MLLT3: variants seen among roughly 807,000 people sequenced by gnomAD.
The protein encoded by MLLT3 is protein AF-9.
In MLLT3, 4 loss-of-function variants were observed where a neutral mutation model predicts 53.2. The ratio of observed to expected loss-of-function variants is 0.08; its 90% CI spans 0.04 to 0.17. The LOEUF is 0.17. Ranked by LOEUF, MLLT3 falls within the 10% of genes least tolerant of loss-of-function variation. MLLT3 has a pLI of 1.00. For missense variants in MLLT3, 569 were observed against 684.0 expected, an observed-to-expected ratio of 0.83 and a Z score of 1.87; for synonymous variants, 283 against 230.6, an observed-to-expected ratio of 1.23 and a Z score of -2.06.
Position 20,346,001 on chromosome 9 carries a change from C to T in MLLT3, c.*442G>A, listed in dbSNP as rs555640559. 4.3e-6 allele frequency: 1 copy of T among 235,034 alleles called. No homozygotes were observed. The highest frequency in any genetic ancestry group is 2.2e-5 in the African/African-American group (1 of 45,322). 14.6% of individuals were successfully genotyped at this position (235,034 alleles called of 1,614,324 possible). ...ACTTATAATGTCTGATGGTGTCATT[C>T]CCTCAACGACTTAGAATATCTGTAT... On this transcript the variant is annotated 3_prime_UTR_variant, in exon 11 of 11. Transcript: ENST00000380338.
At chr9:20,602,846 C>T (rs1489837096) in intron 2 of MLLT3, among the ~76,000 whole-genome samples, 2 of 151,810 alleles carry the variant, frequency 1.3e-5, no homozygotes, top group Admixed American at 6.6e-5. Context: ...AAGAGAAAGA[C>T]ATGTCACTTT....
intron 2 of MLLT3, among the ~76,000 whole-genome samples, chr9:20,481,856 A>T (rs187705724): frequency 1.8e-4 from 28 of 152,314 alleles, no homozygotes; most frequent in Non-Finnish European, 3.4e-4. Flanking sequence ...AGTCAACTAG[A>T]AGAGGAATAC....
chr9:20,471,933 G>A (rs1019398657), intron 2 of MLLT3, among the ~76,000 whole-genome samples: 1 of 151,206 alleles, frequency 6.6e-6, no homozygotes, highest in East Asian at 1.9e-4. Flanking sequence ...GAAATAGCAA[G>A]GAAAATGAAG....
At chr9:20,391,738 G>T (rs754957535) in intron 5 of MLLT3, among the ~76,000 whole-genome samples, 29 of 152,070 alleles carry the variant, frequency 1.9e-4, no homozygotes, top group Non-Finnish European at 3.7e-4. Context: ...AACAAGACAG[G>T]TTTTAAAAAT....
At chr9:20,554,686 AT>A (rs1397594458) in intron 2 of MLLT3, among the ~76,000 whole-genome samples, 2 of 152,226 alleles carry the variant, frequency 1.3e-5, no homozygotes, top group African/African-American at 4.8e-5. Context: ...TGTAAAATAC[AT>A]GGGTGACACC....
chr9:20,589,063 G>C (rs888805046), intron 2 of MLLT3, among the ~76,000 whole-genome samples: 4 of 151,072 alleles, frequency 2.6e-5, no homozygotes, highest in African/African-American at 9.7e-5. Context: ...AATACCATTT[G>C]ACCCAGCCAT....
chr9:20,431,312 A>T (rs766272925), intron 4 of MLLT3, among the ~76,000 whole-genome samples: 16 of 152,142 alleles, frequency 1.1e-4, no homozygotes, highest in Admixed American at 2.6e-4. Flanking sequence ...ACTAAATAAG[A>T]ATCTCTGCAG....
chr9:20,563,883 T>A (rs1367380771), intron 2 of MLLT3, among the ~76,000 whole-genome samples: 2 of 152,072 alleles, frequency 1.3e-5, no homozygotes, highest in African/African-American at 4.8e-5. Flanking sequence ...CAGCCACAAG[T>A]TTTCATTATC....
chr9:20,541,198 A>C (rs1424014093), intron 2 of MLLT3, among the ~76,000 whole-genome samples: 3 of 152,168 alleles, frequency 2.0e-5, no homozygotes, highest in Admixed American at 6.5e-5. Flanking sequence ...TTTTTGTCAA[A>C]ACCATACAAT....
chr9:20,502,440 C>T (rs1311199870), intron 2 of MLLT3: 3 of 152,352 alleles, frequency 2.0e-5, no homozygotes, highest in Non-Finnish European at 4.4e-5. Context: ...AAAAAACTTG[C>T]AGACAACGTG....
Position 20,483,658 on chromosome 9 carries a change from C to T in MLLT3, c.194-26872G>A, listed in dbSNP as rs534157636. ...CCCCTGAATGTAAGACTCAATATGACTTGATGTTACACTAACGAGATAACA... is the reference window on the plus strand; with the variant it reads ...CCCCTGAATGTAAGACTCAATATGATTTGATGTTACACTAACGAGATAACA... On this transcript the variant is annotated intron_variant, in intron 2 of 10. Transcript: ENST00000380338. 4.8e-4 allele frequency among the ~76,000 whole-genome samples: 71 copies of T among 148,090 alleles called. 2 individuals carry two copies. The South Asian group carries it at 0.014, about 29-fold the overall frequency.
At chr9:20,419,662 G>C (rs1822957732) in intron 4 of MLLT3, among the ~76,000 whole-genome samples, 1 of 152,002 alleles carries the variant, frequency 6.6e-6, no homozygotes, top group Non-Finnish European at 1.5e-5. Context: ...GTAACATCCA[G>C]ACAGCTGGGA....
At chr9:20,546,505 C>T (rs1818791694) in intron 2 of MLLT3, among the ~76,000 whole-genome samples, 1 of 151,378 alleles carries the variant, frequency 6.6e-6, no homozygotes, top group African/African-American at 2.4e-5. Context: ...GATCACACCA[C>T]TGCACTCTGG....
chr9:20,428,338 T>A (rs183141732), intron 4 of MLLT3, among the ~76,000 whole-genome samples: 24 of 152,122 alleles, frequency 1.6e-4, no homozygotes, highest in Middle Eastern at 3.4e-3. Flanking sequence ...AGGATTTATA[T>A]CAGGAATAAG....
At chr9:20,556,513 T>G (rs1216964017) in intron 2 of MLLT3, among the ~76,000 whole-genome samples, 1 of 151,872 alleles carries the variant, frequency 6.6e-6, no homozygotes, top group Middle Eastern at 3.2e-3. Context: ...TGAAACCCCA[T>G]CTCTACTAAA....
At chr9:20,441,067 T>C (rs997336056) in intron 4 of MLLT3, among the ~76,000 whole-genome samples, 4 of 152,126 alleles carry the variant, frequency 2.6e-5, no homozygotes, top group African/African-American at 9.6e-5. Context: ...TCTAGGAACA[T>C]CTCCCTCTCT....
intron 3 of MLLT3, among the ~76,000 whole-genome samples, chr9:20,455,260 C>T (rs1393702403): frequency 6.6e-6 from 1 of 152,196 alleles, no homozygotes; most frequent in Non-Finnish European, 1.5e-5. Context: ...CTAGAAGGCA[C>T]AGAAATTAGG....
At chr9:20,460,972 T>C (rs1824092316) in intron 2 of MLLT3, among the ~76,000 whole-genome samples, 1 of 152,112 alleles carries the variant, frequency 6.6e-6, no homozygotes, top group Non-Finnish European at 1.5e-5. Context: ...GGCCAGAAGA[T>C]CTCTAAGGCC....
intron 2 of MLLT3, among the ~76,000 whole-genome samples, chr9:20,549,107 G>A (rs999124148): frequency 1.3e-5 from 2 of 152,076 alleles, no homozygotes; most frequent in Admixed American, 6.6e-5. Flanking sequence ...TAGCCATCAC[G>A]CCCTGCCTCA....
Sources: gnomAD v4.1 joint callset for allele counts (sites outside exome capture counted in the v4.1 genomes callset) on GRCh38, gnomAD v4.1.1 for gene constraint, MANE v1.5 for transcripts, NCBI Gene and HGNC (gene_info 2026-07-23, HGNC 2026-07-21) for gene names.